IQGAP1: variants seen among roughly 807,000 people sequenced by gnomAD.
The protein encoded by IQGAP1 is IQ motif containing GTPase activating protein 1.
Under a neutral mutation model 215.6 loss-of-function variants are expected in IQGAP1, and 66 were observed. The ratio of observed to expected loss-of-function variants is 0.31; its 90% CI spans 0.25 to 0.38. The LOEUF is 0.38. Ranked by LOEUF, IQGAP1 falls within the 10% of genes least tolerant of loss-of-function variation. The pLI, the probability that IQGAP1 is intolerant of heterozygous loss-of-function variation, is 1.00. For missense variants in IQGAP1, 1,712 were observed against 1,997.1 expected (o/e 0.86, Z 2.72); for synonymous variants, 772 against 728.7 (o/e 1.06, Z -0.96).
intron 4 of IQGAP1, among the ~76,000 whole-genome samples, chr15:90,432,890 A>G (rs1965321756): frequency 6.6e-6 from 1 of 152,182 alleles, no homozygotes; most frequent in Non-Finnish European, 1.5e-5. Flanking sequence ...GACTGTGAGA[A>G]TAGGCCTTGA....
intron 26 of IQGAP1, among the ~76,000 whole-genome samples, chr15:90,479,510 G>T (rs1966025977): frequency 6.6e-6 from 1 of 151,712 alleles, no homozygotes; most frequent in South Asian, 2.1e-4. Flanking sequence ...GGCTGAGGTG[G>T]GAGGATTGCT....
chr15:90,446,189 A>C, intron 9 of IQGAP1, among the ~76,000 whole-genome samples: 1 of 152,120 alleles, frequency 6.6e-6, no homozygotes, highest in Non-Finnish European at 1.5e-5. Flanking sequence ...TGTTTTACTG[A>C]GGGATTTTTC....
At position 90,395,510 on chromosome 15, in the gene IQGAP1, C is replaced by T. The variant is rs201175444; in HGVS notation, c.155+4637C>T. Among the ~76,000 whole-genome samples the T allele has an allele frequency of 3.1e-3, 466 of 152,168 alleles. 4 individuals are homozygous for T. The highest frequency in any genetic ancestry group is 0.011 in the African/African-American group (439 of 41,524). ...TAATTTTTTGTATTTTTAGTAGAGA[C>T]GGGGTTTCACCGTGTTAGCCAGGAT... On this transcript the variant is annotated intron_variant, in intron 2 of 37. Transcript: ENST00000268182.
intron 23 of IQGAP1, chr15:90,475,605 T>C (rs1488633008): frequency 1.3e-5 from 2 of 151,650 alleles, no homozygotes; most frequent in African/African-American, 4.8e-5. Flanking sequence ...TAAAAAAAAT[T>C]AGCTGGACAT....
intron 4 of IQGAP1, among the ~76,000 whole-genome samples, chr15:90,430,441 A>G (rs957640100): frequency 7.2e-5 from 11 of 152,152 alleles, no homozygotes; most frequent in Admixed American, 2.0e-4. Flanking sequence ...TTTAGCATTG[A>G]TTATGATAGA....
chr15:90,429,586 TAGGC>T lies in IQGAP1; in HGVS notation c.313-2_314del. On this transcript the variant is annotated splice_acceptor_variant and coding_sequence_variant, in exon 4 of 38. Transcript: ENST00000268182. LOFTEE classifies it high-confidence loss of function. ...AATACCTAATTTTCTTTTTTTTTTC[TAGGC>T]GACTGGCCTCCACTTTAGACACACT... 4 of 1,576,746 alleles carry T rather than the reference TAGGC, an allele frequency of 2.5e-6. No individual in the cohort carries two copies. The highest frequency in any genetic ancestry group is 4.0e-5 in the Admixed American group (2 of 49,546).
intron 1 of IQGAP1, 78 bp from the exon 2 acceptor site, chr15:90,390,696 A>T (rs1022527980): frequency 4.1e-6 from 4 of 971,588 alleles, no homozygotes; most frequent in Non-Finnish European, 6.6e-6. Context: ...AGTGGCAGGA[A>T]ATTGATTCTG....
chr15:90,389,388 C>T (rs1964602161), intron 1 of IQGAP1, among the ~76,000 whole-genome samples: 1 of 150,024 alleles, frequency 6.7e-6, no homozygotes, highest in Admixed American at 6.6e-5. Flanking sequence ...TCTGGTCGCC[C>T]AGCCTGGAGT....
rs969634626 is a variant in IQGAP1 at position 90,411,286 on chromosome 15, C to CT, written c.156-14815dup. On this transcript the variant is annotated intron_variant, in intron 2 of 37. Transcript: ENST00000268182. ...TTCTTTCTTTCTTTTCTTTTCTTTTCTTTTTTTTTGGAGACAGGGTCTCAC... is the reference window on the plus strand; with the variant it reads ...TTCTTTCTTTCTTTTCTTTTCTTTTCTTTTTTTTTTGGAGACAGGGTCTCAC... Among the ~76,000 whole-genome samples the CT allele has an allele frequency of 1.5e-4, 22 of 149,830 alleles. No homozygotes were observed. In the South Asian group the frequency reaches 1.5e-3, roughly 10 times the overall value.
chr15:90,388,903 C>T (rs1228355432), intron 1 of IQGAP1, among the ~76,000 whole-genome samples: 2 of 152,014 alleles, frequency 1.3e-5, no homozygotes, highest in Non-Finnish European at 2.9e-5. Context: ...TTTTCTCGGG[C>T]TTAGTTCCCT....
chr15:90,469,926 G>C (rs1264901264), intron 18 of IQGAP1, among the ~76,000 whole-genome samples: 1 of 152,146 alleles, frequency 6.6e-6, no homozygotes, highest in Non-Finnish European at 1.5e-5. Context: ...AGGACAAGAG[G>C]CCCAGGTTGA....
chr15:90,416,578 C>CTTTTTTTT (rs59801805), intron 2 of IQGAP1, among the ~76,000 whole-genome samples: 15 of 139,300 alleles, frequency 1.1e-4, no homozygotes, highest in African/African-American at 3.8e-4. Flanking sequence ...TGTTTCCTGA[C>CTTTTTTTT]TTTTTTTTTT....
Position 90,429,466 on chromosome 15 carries a change from A to G in IQGAP1, c.313-123A>G, listed in dbSNP as rs184798291. 2.8e-4 allele frequency: 184 copies of G among 650,318 alleles called. 1 individual carries two copies. The highest frequency in any genetic ancestry group is 1.7e-3 in the Admixed American group (53 of 30,428). The allele number at this position is 650,318 out of a possible 1,614,324, so 40.3% of individuals were successfully genotyped here. On this transcript the variant is annotated intron_variant, in intron 3 of 37. Transcript: ENST00000268182. ...GGCTTTTTGGTATTGGAATGTGAGC[A>G]TAATGACATCAAAATTAAGGAAAAT... is the stretch of plus-strand genomic sequence containing the variant.
chr15:90,407,241 G>T (rs1398241932), intron 2 of IQGAP1, among the ~76,000 whole-genome samples: 1 of 152,150 alleles, frequency 6.6e-6, no homozygotes, highest in Non-Finnish European at 1.5e-5. Flanking sequence ...ATGATAAAGG[G>T]TCTACCAATT....
At chr15:90,497,135 A>G in intron 36 of IQGAP1, 97 bp from the exon 37 acceptor site, 1 of 662,928 alleles carries the variant, frequency 1.5e-6, no homozygotes, top group Non-Finnish European at 2.6e-6. Flanking sequence ...AGCCCTTTTC[A>G]CTCTTGAAGA....
chr15:90,441,389 A>G, intron 7 of IQGAP1, 117 bp from the exon 8 acceptor site: 2 of 862,890 alleles, frequency 2.3e-6, no homozygotes, highest in Non-Finnish European at 3.5e-6. Context: ...TTTCTCTGTG[A>G]AAAGGAGCCT....
intron 36 of IQGAP1, among the ~76,000 whole-genome samples, chr15:90,496,527 T>C (rs1230815653): frequency 6.6e-6 from 1 of 152,050 alleles, no homozygotes; most frequent in Non-Finnish European, 1.5e-5. Flanking sequence ...GGTTTCACCA[T>C]GTTGGCCAGG....
rs1181884167 is a variant in IQGAP1, at chr15:90,407,610, ATG to A, written c.155+16739_155+16740del. On this transcript the variant is annotated intron_variant, in intron 2 of 37. Transcript: ENST00000268182. ...TGTAACAGTTTAATGGAAGATTGTT[ATG>A]TTCTAACCTAAGTATTTTCTCGTTA... Among the ~76,000 whole-genome samples, 11 of 152,222 alleles carry A rather than the reference ATG, an allele frequency of 7.2e-5. No individual in the cohort carries two copies. In the East Asian group the frequency reaches 1.9e-3, roughly 27 times the overall value.
intron 5 of IQGAP1, among the ~76,000 whole-genome samples, chr15:90,436,369 G>C (rs1019082757): frequency 6.6e-6 from 1 of 152,096 alleles, no homozygotes; most frequent in Non-Finnish European, 1.5e-5. Context: ...TAATATCTGA[G>C]AAATTCAATA....
Sources: allele counts gnomAD v4.1 joint callset (sites outside exome capture counted in the v4.1 genomes callset), GRCh38; gene constraint gnomAD v4.1.1; transcripts MANE v1.5; gene names NCBI Gene and HGNC (gene_info 2026-07-23, HGNC 2026-07-21).